FNDC3B: variants seen among roughly 807,000 people sequenced by gnomAD.
The protein encoded by FNDC3B is fibronectin type III domain containing 3B, also known as fibronectin type III domain-containing protein 3B.
Under a neutral mutation model 151.5 loss-of-function variants are expected in FNDC3B, and 12 were observed. The observed-to-expected ratio is 0.08, with a 90% CI of 0.05 to 0.13. The LOEUF (loss-of-function observed/expected upper bound fraction) is 0.13. FNDC3B is among the 10% of genes least tolerant of loss of function. The pLI, the probability that FNDC3B is intolerant of heterozygous loss-of-function variation, is 1.00. For missense variants in FNDC3B, 1,214 were observed against 1,505.3 expected, an observed-to-expected ratio of 0.81 and a Z score of 3.20; for synonymous variants, 528 against 549.0, an observed-to-expected ratio of 0.96 and a Z score of 0.54.
At chr3:172,110,663 G>A (rs1221808007) in intron 1 of FNDC3B, among the ~76,000 whole-genome samples, 1 of 151,874 alleles carries the variant, frequency 6.6e-6, no homozygotes, top group Non-Finnish European at 1.5e-5. Flanking sequence ...GGGATGCAGA[G>A]AAGACAACAG....
Position 172,247,696 on chromosome 3 carries a change from C to T in FNDC3B, c.428C>T (p.Pro143Leu). Residue 143 changes from proline to leucine, a missense_variant, in exon 5 of 26, where the codon CCA (proline) becomes CTA (leucine). This residue lies in a region of FNDC3B where 166 missense variants were observed against 173.2 expected (regional missense o/e 0.96). Coordinates refer to ENST00000415807, the MANE Select transcript of FNDC3B (RefSeq NM_022763.4). ...FIHNSHTAYY[P>L]PVTGPGDMPP... ...CATAACTCACACACGGCTTACTACCCACCTGTTACCGGACCTGGAGATATG... is the reference window on the plus strand; with the variant it reads ...CATAACTCACACACGGCTTACTACCTACCTGTTACCGGACCTGGAGATATG... 2 of 1,614,116 alleles carry T rather than the reference C, an allele frequency of 1.2e-6. No homozygotes were observed. Among genetic ancestry groups the T allele is most frequent in the Non-Finnish European group, 1.7e-6 (2 of 1,179,996 alleles).
chr3:172,150,479 G>C (rs892458029), intron 3 of FNDC3B, among the ~76,000 whole-genome samples: 22 of 151,792 alleles, frequency 1.4e-4, no homozygotes, highest in African/African-American at 4.6e-4. Context: ...GAGCTAGATG[G>C]GATGGCCTTT....
intron 25 of FNDC3B, among the ~76,000 whole-genome samples, chr3:172,396,092 C>G (rs766763126): frequency 2.0e-5 from 3 of 152,148 alleles, no homozygotes; most frequent in Non-Finnish European, 4.4e-5. Flanking sequence ...ACATTCATAA[C>G]ATTCTTATTA....
intron 25 of FNDC3B, among the ~76,000 whole-genome samples, chr3:172,389,637 G>A (rs940366423): frequency 3.3e-5 from 5 of 152,120 alleles, no homozygotes; most frequent in Non-Finnish European, 5.9e-5. Context: ...AGCCTGAGGC[G>A]GGTGGATCAC....
In FNDC3B at chr3:172,119,711, G is replaced by A. The variant is rs536429503; in HGVS notation, c.111+7121G>A. ...ACAAACAAACCTTATCTGCATAGTC[G>A]GTGATCTCTTTGCTTGAACTTCTGC... On this transcript the variant is annotated intron_variant, in intron 2 of 25. Coordinates refer to ENST00000415807, the MANE Select transcript of FNDC3B (RefSeq NM_022763.4). Among the ~76,000 whole-genome samples, 4 of 152,174 alleles carry A rather than the reference G, an allele frequency of 2.6e-5. No homozygotes were observed. The South Asian group carries it at 6.2e-4, about 24-fold the overall frequency.
chr3:172,379,489 C>A (rs1006166152), intron 24 of FNDC3B, among the ~76,000 whole-genome samples: 15 of 152,226 alleles, frequency 9.9e-5, no homozygotes, highest in African/African-American at 3.6e-4. Context: ...CTACGAACCT[C>A]ATAGCTCCTT....
At chr3:172,200,110 C>A (rs1725068896) in intron 3 of FNDC3B, among the ~76,000 whole-genome samples, 1 of 152,206 alleles carries the variant, frequency 6.6e-6, no homozygotes, top group Non-Finnish European at 1.5e-5. Context: ...ATGGAACCCA[C>A]CCTGGACAGG....
chr3:172,271,416 T>C (rs1392507006), intron 6 of FNDC3B, among the ~76,000 whole-genome samples: 1 of 152,234 alleles, frequency 6.6e-6, no homozygotes, highest in Non-Finnish European at 1.5e-5. Context: ...GTAGTTCCGA[T>C]TTCTTAGGAC....
intron 6 of FNDC3B, among the ~76,000 whole-genome samples, chr3:172,277,779 A>T (rs542878057): frequency 6.6e-6 from 1 of 152,198 alleles, no homozygotes; most frequent in African/African-American, 2.4e-5. Flanking sequence ...CCCCCCTCAG[A>T]TAGGGTGAGG....
chr3:172,294,638 C>CG, intron 7 of FNDC3B, among the ~76,000 whole-genome samples: 1 of 152,282 alleles, frequency 6.6e-6, no homozygotes, highest in South Asian at 2.1e-4. Flanking sequence ...GAAGCCCATG[C>CG]GGGGGTCTAT....
rs1278066015 is a variant in FNDC3B, at chr3:172,352,466, G to A, written c.2515-337G>A. Among the ~76,000 whole-genome samples, 1 of 152,044 alleles carries A rather than the reference G, an allele frequency of 6.6e-6. No homozygotes were observed. Among genetic ancestry groups the A allele is most frequent in the Admixed American group, 6.6e-5 (1 of 15,258 alleles). On this transcript the variant is annotated intron_variant, in intron 21 of 25. Transcript: ENST00000415807. This position sits in a 1 kb window ranked among gnomAD's most constrained non-coding sequence, Gnocchi z 4.2. The stretch of plus-strand genomic sequence containing the variant: ...GTTCCTGTCTCTAAAAGGCGGATAA[G>A]AATACCTACCATTTAAGATCTACCA...
chr3:172,181,944 A>T (rs554673884), intron 3 of FNDC3B, among the ~76,000 whole-genome samples: 4 of 151,416 alleles, frequency 2.6e-5, no homozygotes, highest in African/African-American at 9.7e-5. Flanking sequence ...CAAATGAAGG[A>T]TGTACGTTAT....
intron 3 of FNDC3B, among the ~76,000 whole-genome samples, chr3:172,135,037 T>C (rs1721293972): frequency 6.6e-6 from 1 of 151,502 alleles, no homozygotes; most frequent in African/African-American, 2.4e-5. Context: ...AAGTCACCTA[T>C]ATGGGATGAA....
chr3:172,266,456 ACAC>A (rs776975235), intron 6 of FNDC3B, among the ~76,000 whole-genome samples: 3 of 152,154 alleles, frequency 2.0e-5, no homozygotes, highest in Non-Finnish European at 4.4e-5. Context: ...CTATAGGCAT[ACAC>A]CGCCGTGCCT....
At chr3:172,061,920 A>G (rs1316868476) in intron 1 of FNDC3B, among the ~76,000 whole-genome samples, 1 of 152,226 alleles carries the variant, frequency 6.6e-6, no homozygotes, top group East Asian at 1.9e-4. Context: ...TCAGTTCCAC[A>G]AACTAATGCA....
intron 4 of FNDC3B, among the ~76,000 whole-genome samples, chr3:172,227,874 T>C (rs936202277): frequency 6.6e-6 from 1 of 152,230 alleles, no homozygotes; most frequent in African/African-American, 2.4e-5. Flanking sequence ...GTTTAAAATA[T>C]GTAATTTTCA....
chr3:172,396,792 C>T (rs1736306911), intron 25 of FNDC3B, among the ~76,000 whole-genome samples: 3 of 152,188 alleles, frequency 2.0e-5, no homozygotes, highest in Admixed American at 6.5e-5. Context: ...TACCCCTGTC[C>T]GTGGAAAACT....
intron 1 of FNDC3B, among the ~76,000 whole-genome samples, chr3:172,055,920 A>G (rs1716889756): frequency 6.6e-6 from 1 of 152,030 alleles, no homozygotes; most frequent in African/African-American, 2.4e-5. Context: ...AGCTGGGACT[A>G]TAGGCGCCCG....
intron 23 of FNDC3B, among the ~76,000 whole-genome samples, 198 bp from the exon 24 acceptor site, chr3:172,378,066 CTTAAGT>C (rs1364282554): frequency 3.3e-5 from 5 of 152,142 alleles, no homozygotes; most frequent in Non-Finnish European, 5.9e-5. Flanking sequence ...TTTATATGTG[CTTAAGT>C]TTATGTTTTT....
Sources: gnomAD v4.1 joint callset for allele counts (sites outside exome capture counted in the v4.1 genomes callset) on GRCh38, gnomAD v4.1.1 for gene constraint, gnomAD v4.1.1 regional missense constraint, Gnocchi (gnomAD v3.1) non-coding constraint, MANE v1.5 for transcripts, NCBI Gene and HGNC (gene_info 2026-07-23, HGNC 2026-07-21) for gene names.